Variants in BABAM2 observed in about 807,000 individuals in gnomAD.
The protein encoded by BABAM2 is BRISC and BRCA1-A complex member 2.
Under a neutral mutation model 54.7 loss-of-function variants are expected in BABAM2, and 31 were observed. That is an observed-to-expected ratio of 0.57 (90% CI 0.43 to 0.77). The LOEUF (loss-of-function observed/expected upper bound fraction) is 0.77. BABAM2 is among the 30% of genes least tolerant of loss of function. The probability of loss-of-function intolerance (pLI) is 0.00; values close to 1 mark genes in which losing one functional copy is unlikely to be tolerated. For missense variants in BABAM2, 364 were observed against 455.8 expected (o/e 0.80, Z 1.83); for synonymous variants, 167 against 162.9 (o/e 1.03, Z -0.19).
rs1451404450 is a variant in BABAM2, at chr2:28,325,097, C to T, written c.1089-13353C>T. On this transcript the variant is annotated intron_variant, in intron 11 of 11. Coordinates refer to ENST00000379624, the MANE Select transcript of BABAM2 (RefSeq NM_199191.3). The surrounding 1 kb of genome is among the most constrained non-coding windows in gnomAD (Gnocchi z 4.3). ...TACAGTGCACTCTGATTTTATTTCA[C>T]TTTATTTTAATGCTGCTCAGAACCC... 1.3e-5 allele frequency among the ~76,000 whole-genome samples: 2 copies of T among 152,176 alleles called. No individual in the cohort carries two copies. Among genetic ancestry groups the T allele is most frequent in the African/African-American group, 4.8e-5 (2 of 41,428 alleles).
At position 28,028,383 on chromosome 2, in the gene BABAM2, C is replaced by T. The variant is rs368062655; in HGVS notation, c.495+2963C>T. On this transcript the variant is annotated intron_variant, in intron 5 of 11. Transcript: ENST00000379624. ...TGTTAGGTCCAATATCCCACCCTCCCAACACACCTACACCCCCCGCCCCTC... is the reference window on the plus strand; with the variant it reads ...TGTTAGGTCCAATATCCCACCCTCCTAACACACCTACACCCCCCGCCCCTC... Among the ~76,000 whole-genome samples the T allele has an allele frequency of 9.2e-5, 14 of 152,164 alleles. No individual in the cohort carries two copies. In the East Asian group the frequency reaches 2.7e-3, roughly 29 times the overall value.
chr2:27,972,055 T>C (rs756730285), intron 3 of BABAM2, among the ~76,000 whole-genome samples: 8 of 152,214 alleles, frequency 5.3e-5, no homozygotes, highest in African/African-American at 1.4e-4. Context: ...ATTTAAAACA[T>C]ATTACATCTG....
chr2:28,136,820 A>G (rs887772078), intron 7 of BABAM2, among the ~76,000 whole-genome samples: 5 of 152,196 alleles, frequency 3.3e-5, no homozygotes, highest in Non-Finnish European at 7.3e-5. Flanking sequence ...GCTGGGATAA[A>G]GTGAAACTTG....
chr2:28,026,761 C>CTATATATAAATATATATCTA (rs200879848), intron 5 of BABAM2, among the ~76,000 whole-genome samples: 1 of 99,300 alleles, frequency 1.0e-5, no homozygotes, highest in African/African-American at 4.4e-5. Flanking sequence ...AAATATATAT[C>CTATATATAAATATATATCTA]TATATAAATA....
At chr2:28,089,585 G>T (rs1291126462) in intron 6 of BABAM2, among the ~76,000 whole-genome samples, 2 of 152,076 alleles carry the variant, frequency 1.3e-5, no homozygotes, top group African/African-American at 2.4e-5. Context: ...AGAAAAAAAT[G>T]GATATTTTTA....
intron 11 of BABAM2, among the ~76,000 whole-genome samples, chr2:28,324,885 G>A (rs1015075692): frequency 6.6e-6 from 1 of 152,176 alleles, no homozygotes; most frequent in Non-Finnish European, 1.5e-5. Context: ...CACCTGCCTG[G>A]TAGTAAGCCT....
chr2:28,325,312 C>G lies in BABAM2; in HGVS notation c.1089-13138C>G, dbSNP rs1212383434. Among the ~76,000 whole-genome samples the G allele has an allele frequency of 2.6e-5, 4 of 152,168 alleles. No homozygotes were observed. Among genetic ancestry groups the G allele is most frequent in the African/African-American group, 7.2e-5 (3 of 41,422 alleles). The stretch of plus-strand genomic sequence containing the variant: ...CCGAGCTGGTGCAGTGTGGAGTGAT[C>G]CCTGCAGCCCAGCAGAGCAGATGCA... On this transcript the variant is annotated intron_variant, in intron 11 of 11. Transcript: ENST00000379624. This position sits in a 1 kb window ranked among gnomAD's most constrained non-coding sequence, Gnocchi z 4.3.
At chr2:28,253,834 A>G (rs1683716968) in intron 10 of BABAM2, among the ~76,000 whole-genome samples, 1 of 152,206 alleles carries the variant, frequency 6.6e-6, no homozygotes, top group South Asian at 2.1e-4. Flanking sequence ...TCTGAAGACA[A>G]CGGGGCATTA....
chr2:27,926,966 G>C (rs1003456657), intron 2 of BABAM2, among the ~76,000 whole-genome samples: 1 of 152,034 alleles, frequency 6.6e-6, no homozygotes, highest in Admixed American at 6.6e-5. Flanking sequence ...CCTCCTTCTA[G>C]CTATTTGAAA....
intron 2 of BABAM2, chr2:27,896,784 A>C (rs1665359404): frequency 4.2e-6 from 1 of 236,758 alleles, no homozygotes. Context: ...GCTTGTGCCC[A>C]GCTGGGTCTG....
chr2:28,139,081 A>G (rs748762093), intron 7 of BABAM2, among the ~76,000 whole-genome samples: 2 of 152,072 alleles, frequency 1.3e-5, no homozygotes, highest in Non-Finnish European at 2.9e-5. Flanking sequence ...GGGACCAGGG[A>G]TAGGTACTCC....
chr2:28,120,394 G>C (rs554207673), intron 6 of BABAM2, among the ~76,000 whole-genome samples: 16 of 152,184 alleles, frequency 1.1e-4, no homozygotes, highest in African/African-American at 3.4e-4. Context: ...ACATTTCTTT[G>C]AGCACTGGTG....
At chr2:28,307,547 C>G (rs112587338) in intron 11 of BABAM2, 9 of 151,800 alleles carry the variant, frequency 5.9e-5, no homozygotes, top group South Asian at 4.2e-4. Flanking sequence ...AAAAATACAC[C>G]GTTAACTTAT....
chr2:28,183,921 A>G (rs976500039), intron 7 of BABAM2, among the ~76,000 whole-genome samples: 2 of 152,168 alleles, frequency 1.3e-5, no homozygotes, highest in Admixed American at 6.5e-5. Context: ...TAGACCTAGC[A>G]TCAGGGAGTC....
intron 7 of BABAM2, among the ~76,000 whole-genome samples, chr2:28,150,055 AAG>A (rs1671875007): frequency 6.6e-6 from 1 of 152,218 alleles, no homozygotes; most frequent in South Asian, 2.1e-4. Flanking sequence ...ATAACAGCAG[AAG>A]AGAGAAGGAA....
chr2:28,264,270 A>G (rs1477689487), intron 10 of BABAM2, among the ~76,000 whole-genome samples: 1 of 152,204 alleles, frequency 6.6e-6, no homozygotes, highest in African/African-American at 2.4e-5. Context: ...ACTGGATACT[A>G]AAGATATAGG....
At chr2:28,068,767 A>C (rs2148654688) in intron 6 of BABAM2, among the ~76,000 whole-genome samples, 1 of 152,306 alleles carries the variant, frequency 6.6e-6, no homozygotes, top group East Asian at 1.9e-4. Flanking sequence ...AATCCCGTTG[A>C]CTTTCAACAT....
intron 3 of BABAM2, among the ~76,000 whole-genome samples, chr2:27,959,027 C>T (rs1670285333): frequency 1.3e-5 from 2 of 152,166 alleles, no homozygotes; most frequent in Admixed American, 1.3e-4. Context: ...TAAGTGCTTT[C>T]TTGAGAGAAG....
intron 7 of BABAM2, among the ~76,000 whole-genome samples, chr2:28,172,775 T>C (rs1558404552): frequency 6.6e-6 from 1 of 152,166 alleles, no homozygotes; most frequent in Non-Finnish European, 1.5e-5. Flanking sequence ...CAAATATGCT[T>C]TCCGGGAGTT....
Sources: gnomAD v4.1 joint callset for allele counts (sites outside exome capture counted in the v4.1 genomes callset) on GRCh38, gnomAD v4.1.1 for gene constraint, Gnocchi (gnomAD v3.1) non-coding constraint, MANE v1.5 for transcripts, NCBI Gene and HGNC (gene_info 2026-07-23, HGNC 2026-07-21) for gene names.